The following AGBL1 variants were observed in gnomAD, a reference collection of about 807,000 sequenced individuals.
AGBL1 encodes the protein cytosolic carboxypeptidase 4.
AGBL1 carries 130 observed loss-of-function variants against 118.9 expected under a neutral mutation model. That is an observed-to-expected ratio of 1.09 (90% CI 0.95 to 1.26). The LOEUF is 1.26. Ranked by LOEUF, AGBL1 falls within the 50% of genes most tolerant of loss-of-function variation. The pLI, the probability that AGBL1 is intolerant of heterozygous loss-of-function variation, is 0.00. For synonymous variants in AGBL1, 555 were observed against 478.9 expected (o/e 1.16, Z -2.08); for missense variants, 1,584 against 1,298.1 (o/e 1.22, Z -3.38).
chr15:86,324,695 C>CA (rs1263592719), intron 17 of AGBL1, among the ~76,000 whole-genome samples: 2 of 151,716 alleles, frequency 1.3e-5, no homozygotes, highest in Non-Finnish European at 2.9e-5. Flanking sequence ...GTAGCCATAA[C>CA]AAAAAAAGTG....
intron 5 of AGBL1, among the ~76,000 whole-genome samples, chr15:86,191,207 G>A (rs1461291706): frequency 1.3e-5 from 2 of 151,878 alleles, no homozygotes; most frequent in Admixed American, 6.6e-5. Flanking sequence ...AATTAGCTGG[G>A]TGTGGTGGCA....
chr15:87,007,051 T>C (rs2081512512), intron 24 of AGBL1, among the ~76,000 whole-genome samples: 1 of 152,206 alleles, frequency 6.6e-6, no homozygotes, highest in Non-Finnish European at 1.5e-5. Flanking sequence ...ACAAAATTAG[T>C]TTAAATTCTC....
intron 16 of AGBL1, among the ~76,000 whole-genome samples, chr15:86,282,188 G>A (rs1044053618): frequency 2.6e-5 from 4 of 152,072 alleles, no homozygotes; most frequent in African/African-American, 9.7e-5. Flanking sequence ...CACTGGGTGG[G>A]GGGTCAATGA....
chr15:86,690,663 G>A (rs1390176368), intron 22 of AGBL1, among the ~76,000 whole-genome samples: 1 of 152,172 alleles, frequency 6.6e-6, no homozygotes, highest in Non-Finnish European at 1.5e-5. Context: ...CAGAAGAGTA[G>A]TGTGTGGTAG....
At chr15:86,921,720 G>GATC (rs2080483737) in intron 23 of AGBL1, among the ~76,000 whole-genome samples, 1 of 152,196 alleles carries the variant, frequency 6.6e-6, no homozygotes, top group Non-Finnish European at 1.5e-5. Flanking sequence ...AGCATGCATG[G>GATC]ATCAGACTGT....
chr15:86,501,412 T>G (rs556469975), intron 18 of AGBL1, among the ~76,000 whole-genome samples: 7 of 151,784 alleles, frequency 4.6e-5, no homozygotes, highest in African/African-American at 1.7e-4. Context: ...CTTTTTCACT[T>G]TCTTGATAGT....
At chr15:86,543,286 C>T (rs946122624) in intron 19 of AGBL1, among the ~76,000 whole-genome samples, 1 of 152,168 alleles carries the variant, frequency 6.6e-6, no homozygotes, top group Admixed American at 6.5e-5. Flanking sequence ...GACCTTATGA[C>T]AGTATATAAC....
At position 86,518,886 on chromosome 15, in the gene AGBL1, C is replaced by A. The variant is rs527855815; in HGVS notation, c.2556-3924C>A. On this transcript the variant is annotated intron_variant, in intron 18 of 22. Transcript: ENST00000614907. Reference sequence around the variant, plus strand: ...TGCAAGCATTTCAAAGCTAAAAATGCAGCATTCCTAGACAAACTGGATATC... The same window carrying A: ...TGCAAGCATTTCAAAGCTAAAAATGAAGCATTCCTAGACAAACTGGATATC... Among the ~76,000 whole-genome samples, 4 of 151,270 alleles carry A rather than the reference C, an allele frequency of 2.6e-5. No individual in the cohort carries two copies. The South Asian group carries it at 6.3e-4, about 24-fold the overall frequency.
At chr15:86,216,147 A>G (rs75581990) in intron 5 of AGBL1, among the ~76,000 whole-genome samples, 2,419 of 152,314 alleles carry the variant, frequency 0.016, 66 homozygotes, top group African/African-American at 0.056. Context: ...AATAGTTTTT[A>G]GTGACTAAGA....
chr15:86,743,953 A>G (rs1202472735), intron 22 of AGBL1, among the ~76,000 whole-genome samples: 3 of 152,140 alleles, frequency 2.0e-5, no homozygotes, highest in Non-Finnish European at 4.4e-5. Flanking sequence ...TTAGGAAAAG[A>G]TAACTTAGAA....
intron 16 of AGBL1, among the ~76,000 whole-genome samples, chr15:86,289,433 A>C (rs770880686): frequency 2.0e-5 from 3 of 152,186 alleles, no homozygotes; most frequent in Non-Finnish European, 4.4e-5. Context: ...AACAGCTAAC[A>C]TTTATTGTTT....
intron 17 of AGBL1, among the ~76,000 whole-genome samples, chr15:86,320,029 T>C (rs1597726570): frequency 1.3e-5 from 2 of 152,266 alleles, no homozygotes; most frequent in African/African-American, 2.4e-5. Flanking sequence ...AGTGCTGGGA[T>C]TGCAGGCATG....
intron 17 of AGBL1, among the ~76,000 whole-genome samples, chr15:86,377,467 CTAAAA>C (rs1428738941): frequency 2.6e-5 from 4 of 152,254 alleles, no homozygotes; most frequent in African/African-American, 9.6e-5. Flanking sequence ...CATTTTTGCT[CTAAAA>C]TAACAGTATC....
chr15:86,642,073 G>A (rs918938506), intron 21 of AGBL1, among the ~76,000 whole-genome samples: 1 of 152,122 alleles, frequency 6.6e-6, no homozygotes, highest in African/African-American at 2.4e-5. Context: ...ATCACTGCTT[G>A]CATCATGTCC....
intron 18 of AGBL1, among the ~76,000 whole-genome samples, chr15:86,420,944 GA>G (rs1160513100): frequency 5.3e-5 from 8 of 152,146 alleles, no homozygotes; most frequent in African/African-American, 1.9e-4. Context: ...AATCCTCCAA[GA>G]AATATGGGAC....
intron 17 of AGBL1, among the ~76,000 whole-genome samples, chr15:86,382,870 C>G (rs1179207925): frequency 6.6e-6 from 1 of 152,064 alleles, no homozygotes; most frequent in Non-Finnish European, 1.5e-5. Flanking sequence ...TTGCTGACTT[C>G]CCCCATTCCT....
intron 22 of AGBL1, among the ~76,000 whole-genome samples, chr15:86,897,895 G>C (rs1339887917): frequency 6.7e-6 from 1 of 148,462 alleles, no homozygotes; most frequent in Non-Finnish European, 1.5e-5. Flanking sequence ...TCAGCCTCCT[G>C]AGTATCTAGC....
At chr15:86,143,055 G>T (rs1473571560) in intron 2 of AGBL1, among the ~76,000 whole-genome samples, 1 of 152,196 alleles carries the variant, frequency 6.6e-6, no homozygotes, top group Non-Finnish European at 1.5e-5. Flanking sequence ...TTGCTTTTGA[G>T]TTTGTCCTTG....
chr15:86,496,966 A>C (rs1405230090), intron 18 of AGBL1, among the ~76,000 whole-genome samples: 1 of 152,042 alleles, frequency 6.6e-6, no homozygotes, highest in Non-Finnish European at 1.5e-5. Context: ...ATACATATAC[A>C]GTGTGAAATG....
Sources: allele counts gnomAD v4.1 joint callset (sites outside exome capture counted in the v4.1 genomes callset), GRCh38; gene constraint gnomAD v4.1.1; transcripts MANE v1.5; gene names NCBI Gene and HGNC (gene_info 2026-07-23, HGNC 2026-07-21).